Variants in C10orf88 observed in about 807,000 individuals in gnomAD.
C10orf88 encodes ATPase PAAT.
C10orf88 carries 29 observed loss-of-function variants against 34.2 expected under a neutral mutation model. The observed-to-expected ratio is 0.85, with a 90% CI of 0.63 to 1.16. The LOEUF is 1.16. Among genes scored for constraint, C10orf88 ranks in the 50% most tolerant of loss-of-function variants. C10orf88 has a pLI of 0.00. For synonymous variants in C10orf88, 194 were observed against 197.4 expected, an observed-to-expected ratio of 0.98 and a Z score of 0.15; for missense variants, 507 against 533.2, an observed-to-expected ratio of 0.95 and a Z score of 0.48.
intron 2 of C10orf88, among the ~76,000 whole-genome samples, chr10:122,952,609 T>C (rs1426371442): frequency 1.3e-5 from 2 of 152,214 alleles, no homozygotes; most frequent in Admixed American, 6.5e-5. Context: ...TTCACCTTGA[T>C]TGTTAGTTCT....
chr10:122,949,875 CA>C (rs1848674833), intron 3 of C10orf88, among the ~76,000 whole-genome samples: 1 of 152,142 alleles, frequency 6.6e-6, no homozygotes, highest in African/African-American at 2.4e-5. Flanking sequence ...AAGAGAATAT[CA>C]AAATGATGTA....
intron 4 of C10orf88, among the ~76,000 whole-genome samples, chr10:122,939,607 T>C (rs1418804582): frequency 1.3e-5 from 2 of 151,972 alleles, no homozygotes; most frequent in Non-Finnish European, 2.9e-5. Context: ...AACTTGAATA[T>C]TTAAATATTC....
At chr10:122,939,336 T>A (rs1848563605) in intron 4 of C10orf88, among the ~76,000 whole-genome samples, 3 of 144,136 alleles carry the variant, frequency 2.1e-5, no homozygotes, top group Non-Finnish European at 4.6e-5. Context: ...AGAAAAGAAG[T>A]GAAGAAGGAA....
intron 4 of C10orf88, among the ~76,000 whole-genome samples, chr10:122,944,982 GTGTGTATATATA>G (rs1848624428): frequency 1.6e-5 from 2 of 122,690 alleles, no homozygotes; most frequent in East Asian, 2.3e-4. Context: ...CAATAGGTGT[GTGTGTATATATA>G]TGTGTATATA....
Position 122,932,551 on chromosome 10 carries a change from T to C in C10orf88, c.1214A>G (p.Gln405Arg), listed in dbSNP as rs751872096. The C allele has an allele frequency of 1.1e-4, 174 of 1,613,910 alleles. No individual in the cohort carries two copies. The highest frequency in any genetic ancestry group is 1.3e-4 in the Non-Finnish European group (158 of 1,179,960). ...AGCAATCTTATCATCAATGTGCTCCTGGAGTTCATGTATTCGCTGATCAAT... is the reference window on the plus strand; with the variant it reads ...AGCAATCTTATCATCAATGTGCTCCCGGAGTTCATGTATTCGCTGATCAAT... ...DYIDQRIHEL[Q>R]EHIDDKIALL... The change falls in exon 6 of 6, where the codon CAG (glutamine) becomes CGG (arginine). Residue 405 changes from glutamine to arginine, a missense_variant. By Grantham distance (43) the Gln-to-Arg change is conservative. Coordinates refer to ENST00000481909, the MANE Select transcript of C10orf88 (RefSeq NM_024942.4).
chr10:122,933,062 A>G (rs769333218), intron 5 of C10orf88, among the ~76,000 whole-genome samples: 2 of 152,210 alleles, frequency 1.3e-5, no homozygotes, highest in Non-Finnish European at 2.9e-5. Context: ...CAACCTTACT[A>G]AACTACTAGA....
Position 122,937,729 on chromosome 10 carries a change from T to C in C10orf88, c.1079A>G (p.His360Arg), listed in dbSNP as rs1420941807. The change falls in exon 5 of 6, where the codon CAT (histidine) becomes CGT (arginine). Residue 360 changes from histidine to arginine, a missense_variant. Transcript: ENST00000481909. ...KTECQENITK[H>R]GERILGVGME... ...CCCAACACCAAGAATGCGTTCACCA[T>C]GCTTGGTGATGTTTTCCTGACACTC... The C allele has an allele frequency of 1.9e-6, 3 of 1,609,188 alleles. No homozygotes were observed. Among genetic ancestry groups the C allele is most frequent in the South Asian group, 2.2e-5 (2 of 90,714 alleles).
chr10:122,939,530 G>A, intron 4 of C10orf88, among the ~76,000 whole-genome samples: 1 of 151,824 alleles, frequency 6.6e-6, no homozygotes, highest in East Asian at 1.9e-4. Flanking sequence ...TTGGAAAAGT[G>A]CTCTTTATAG....
At position 122,931,276 on chromosome 10, in the gene C10orf88, CTGGTTACAAA is replaced by C. The variant is rs1848483115; in HGVS notation, c.*1141_*1150del. The C allele has an allele frequency of 1.3e-5, 2 of 152,100 alleles. No homozygotes were observed. Among genetic ancestry groups the C allele is most frequent in the Non-Finnish European group, 2.9e-5 (2 of 68,018 alleles). The allele number at this position is 152,100 out of a possible 1,614,324, so 9.4% of individuals were successfully genotyped here. ...GTGGTTGTAACCAGTCTCCTCTGGA[CTGGTTACAAA>C]AGGAACTTTTCATCACAGGCATCCT... On this transcript the variant is annotated 3_prime_UTR_variant, in exon 6 of 6. Coordinates refer to ENST00000481909, the MANE Select transcript of C10orf88 (RefSeq NM_024942.4).
At chr10:122,951,441 G>A (rs12249851) in intron 3 of C10orf88, among the ~76,000 whole-genome samples, 8 of 151,784 alleles carry the variant, frequency 5.3e-5, no homozygotes, top group Non-Finnish European at 1.2e-4. Flanking sequence ...TCCTGGGCTT[G>A]AGCAATCCTC....
intron 4 of C10orf88, among the ~76,000 whole-genome samples, chr10:122,946,745 T>C (rs1848644526): frequency 6.6e-6 from 1 of 152,038 alleles, no homozygotes; most frequent in Non-Finnish European, 1.5e-5. Context: ...AAGAAAGGTG[T>C]CATTAAAGAT....
chr10:122,942,777 G>C (rs1011505334), intron 4 of C10orf88, among the ~76,000 whole-genome samples: 16 of 151,430 alleles, frequency 1.1e-4, no homozygotes, highest in Admixed American at 8.6e-4. Context: ...ATTCACAATT[G>C]CTTCAAAGAG....
intron 5 of C10orf88, among the ~76,000 whole-genome samples, chr10:122,935,442 C>T (rs1357444859): frequency 3.3e-5 from 5 of 151,974 alleles, no homozygotes; most frequent in African/African-American, 7.2e-5. Context: ...CATTGTCAAA[C>T]GTCAGTTGGT....
chr10:122,954,157 C>A lies in C10orf88; in HGVS notation c.22G>T (p.Gly8Trp). Residue 8 changes from glycine (G) to tryptophan (W), a missense_variant, in exon 1 of 6, where the codon GGG becomes TGG. Physicochemically the swap from Gly to Trp is radical, Grantham distance 184. Transcript: ENST00000481909. ...AGCGTGGGGCGGCGGGTGAGGCCCC[C>A]GTCCTCGGTCCGCGTCTCCATTCCG... Reference protein sequence around the residue: METRTEDGGLTRRPTLAS... With the variant: METRTEDWGLTRRPTLAS... The A allele has an allele frequency of 1.3e-6, 2 of 1,577,230 alleles. No individual in the cohort carries two copies. Among genetic ancestry groups the A allele is most frequent in the African/African-American group, 1.4e-5 (1 of 72,834 alleles).
intron 3 of C10orf88, 110 bp downstream of exon 3, chr10:122,951,844 A>C: frequency 1.4e-6 from 1 of 698,524 alleles, no homozygotes; most frequent in Non-Finnish European, 2.5e-6. Context: ...AGAAAAAAAA[A>C]AGCAAGCAAG....
At chr10:122,934,285 A>C (rs539730069) in intron 5 of C10orf88, among the ~76,000 whole-genome samples, 20 of 152,268 alleles carry the variant, frequency 1.3e-4, no homozygotes, top group African/African-American at 4.8e-4. Flanking sequence ...AAAAGGCAGA[A>C]CCATTCTTTA....
Position 122,952,928 on chromosome 10 carries a change from A to G in C10orf88, c.269T>C (p.Ile90Thr). Residue 90 changes from isoleucine (I) to threonine (T), a missense_variant, in exon 2 of 6, where the codon ATT becomes ACT. Transcript: ENST00000481909. ...ATTTCTTGCTGAACTTAAAATGCCA[A>G]TAGAAGCGATTTCTTCACCTCCATC... Reference protein sequence around the residue: ...GPDGGEEIASIGILSSARNME... With the variant: ...GPDGGEEIASTGILSSARNME... 1 of 1,614,152 alleles carries G rather than the reference A, an allele frequency of 6.2e-7. No individual in the cohort carries two copies. The highest frequency in any genetic ancestry group is 8.5e-7 in the Non-Finnish European group (1 of 1,180,016).
chr10:122,948,638 T>C lies in C10orf88; in HGVS notation c.648+11A>G. ...TTAATGTTATCTGGAAAGAAATCCA[T>C]TTCTACTTACCCGCTGCTGACACCT... On this transcript the variant is annotated intron_variant, in intron 4 of 5. Transcript: ENST00000481909. The C allele has an allele frequency of 1.2e-6, 2 of 1,610,812 alleles. No individual in the cohort carries two copies. Among genetic ancestry groups the C allele is most frequent in the South Asian group, 2.2e-5 (2 of 90,484 alleles).
chr10:122,953,495 T>C (rs1050432327), intron 1 of C10orf88, among the ~76,000 whole-genome samples: 1 of 152,194 alleles, frequency 6.6e-6, no homozygotes, highest in Non-Finnish European at 1.5e-5. Context: ...ACATCAGGGC[T>C]TTCCCAAACT....
Sources: allele counts gnomAD v4.1 joint callset (sites outside exome capture counted in the v4.1 genomes callset), GRCh38; gene constraint gnomAD v4.1.1; transcripts MANE v1.5; gene names NCBI Gene and HGNC (gene_info 2026-07-23, HGNC 2026-07-21).